Variants in PAX7 observed in about 807,000 individuals in gnomAD.
PAX7 encodes the protein paired box 7.
Under a neutral mutation model 50.7 loss-of-function variants are expected in PAX7, and 18 were observed. The ratio of observed to expected loss-of-function variants is 0.36; its 90% CI spans 0.25 to 0.53. The LOEUF (loss-of-function observed/expected upper bound fraction) is 0.53, where lower values mean the gene tolerates loss of function less well. Ranked by LOEUF, PAX7 falls within the 20% of genes least tolerant of loss-of-function variation. The probability of loss-of-function intolerance (pLI) is 0.93; values close to 1 mark genes in which losing one functional copy is unlikely to be tolerated. For synonymous variants in PAX7, 310 were observed against 290.4 expected (o/e 1.07, Z -0.69); for missense variants, 644 against 702.9 (o/e 0.92, Z 0.95).
chr1:18,702,189 A>AG (rs992164881), intron 6 of PAX7, among the ~76,000 whole-genome samples: 1 of 151,078 alleles, frequency 6.6e-6, no homozygotes, highest in African/African-American at 2.4e-5. Flanking sequence ...AAAAAAAAAA[A>AG]TTATCTGGGC....
At chr1:18,672,771 A>G (rs868421370) in intron 4 of PAX7, among the ~76,000 whole-genome samples, 15 of 151,808 alleles carry the variant, frequency 9.9e-5, no homozygotes, top group African/African-American at 3.6e-4. Context: ...ACGCCCGGCT[A>G]ATTTTTGTAG....
At chr1:18,721,188 A>C (rs781700171) in intron 7 of PAX7, among the ~76,000 whole-genome samples, 2 of 152,096 alleles carry the variant, frequency 1.3e-5, no homozygotes, top group Non-Finnish European at 2.9e-5. Flanking sequence ...CCTGAACCCC[A>C]GATGCCCTGG....
chr1:18,744,659 C>CGGACGGATGGATGGAT (rs1553145033), intron 8 of PAX7, among the ~76,000 whole-genome samples, 155 bp from the exon 9 acceptor site: 2 of 91,004 alleles, frequency 2.2e-5, no homozygotes, highest in African/African-American at 8.7e-5. Context: ...GTAGACAGGA[C>CGGACGGATGGATGGAT]GGATGGATGG....
intron 5 of PAX7, among the ~76,000 whole-genome samples, chr1:18,692,962 C>T (rs779099331): frequency 1.3e-5 from 2 of 152,148 alleles, no homozygotes; most frequent in African/African-American, 2.4e-5. Context: ...GCCAAACTCT[C>T]GGATTCCAGG....
chr1:18,710,890 G>A (rs533020016), intron 7 of PAX7, among the ~76,000 whole-genome samples: 27 of 152,312 alleles, frequency 1.8e-4, no homozygotes, highest in African/African-American at 5.8e-4. Context: ...CACATTTTCC[G>A]AGGTTGGGTT....
intron 8 of PAX7, among the ~76,000 whole-genome samples, chr1:18,737,603 C>A (rs548792431): frequency 2.6e-5 from 4 of 152,196 alleles, no homozygotes; most frequent in Admixed American, 2.0e-4. Context: ...TGCATATGCG[C>A]GAATACATGT....
intron 4 of PAX7, among the ~76,000 whole-genome samples, chr1:18,653,316 A>G (rs2088463175): frequency 6.6e-6 from 1 of 152,090 alleles, no homozygotes; most frequent in Non-Finnish European, 1.5e-5. Context: ...AAATATTGCA[A>G]TCCTGGTTAA....
At chr1:18,679,148 T>C (rs1410027378) in intron 4 of PAX7, among the ~76,000 whole-genome samples, 1 of 152,234 alleles carries the variant, frequency 6.6e-6, no homozygotes, top group Non-Finnish European at 1.5e-5. Flanking sequence ...GGATGCTGCA[T>C]GGGTTCACAG....
Position 18,690,977 on chromosome 1 carries a change from A to G in PAX7, c.587-777A>G, listed in dbSNP as rs180852433. 2.4e-3 allele frequency among the ~76,000 whole-genome samples: 366 copies of G among 152,282 alleles called. 3 individuals are homozygous for G. The South Asian group carries it at 0.03, about 12-fold the overall frequency. On this transcript the variant is annotated intron_variant, in intron 4 of 8. Coordinates refer to ENST00000420770, the MANE Select transcript of PAX7 (RefSeq NM_001135254.2). ...AGCTTCTTGATGGGCAGCTCTGGAC[A>G]CGTGCACTTTTTCTTTTGATGAGAC...
At chr1:18,708,687 C>T (rs936766546) in intron 7 of PAX7, among the ~76,000 whole-genome samples, 2 of 152,064 alleles carry the variant, frequency 1.3e-5, no homozygotes, top group African/African-American at 4.8e-5. Context: ...GAATCCCAAG[C>T]AGGCCAGGCT....
rs545440699 is a variant in PAX7, at chr1:18,687,640, G to T, written c.587-4114G>T. 2.6e-5 allele frequency among the ~76,000 whole-genome samples: 4 copies of T among 152,154 alleles called. No individual in the cohort carries two copies. In the East Asian group the frequency reaches 7.7e-4, roughly 29 times the overall value. ...GGGTAGTGGATGCTCTTTTTTAGGG[G>T]TTGAAGTCACAAACAAACTGCAGTT... On this transcript the variant is annotated intron_variant, in intron 4 of 8. Transcript: ENST00000420770.
intron 7 of PAX7, among the ~76,000 whole-genome samples, chr1:18,703,671 G>A (rs576427378): frequency 7.9e-5 from 12 of 152,346 alleles, no homozygotes; most frequent in Non-Finnish European, 1.8e-4. Context: ...GAGAGATAAT[G>A]TGGGCGCTGA....
At chr1:18,728,599 G>A (rs1039761355) in intron 7 of PAX7, among the ~76,000 whole-genome samples, 3 of 151,628 alleles carry the variant, frequency 2.0e-5, no homozygotes, top group Non-Finnish European at 2.9e-5. Flanking sequence ...CGTGGCTCAC[G>A]CCTGTAGTCC....
chr1:18,668,721 A>G (rs1019419563), intron 4 of PAX7, among the ~76,000 whole-genome samples: 1 of 152,208 alleles, frequency 6.6e-6, no homozygotes, highest in African/African-American at 2.4e-5. Context: ...TAATAATGAC[A>G]TAACAATAAT....
At chr1:18,744,701 G>GATAGATAA (rs1444794109) in intron 8 of PAX7, 113 bp from the exon 9 acceptor site, 30 of 438,164 alleles carry the variant, frequency 6.8e-5, no homozygotes, top group African/African-American at 6.4e-4. Context: ...TGGATGGATG[G>GATAGATAA]ATGGATGGAT....
chr1:18,703,741 T>C (rs993718486), intron 7 of PAX7, among the ~76,000 whole-genome samples: 5 of 152,202 alleles, frequency 3.3e-5, no homozygotes, highest in Non-Finnish European at 7.3e-5. Flanking sequence ...CCCAATGAAC[T>C]TGAGGAACTG....
At chr1:18,742,267 C>T (rs891227737) in intron 8 of PAX7, among the ~76,000 whole-genome samples, 1 of 149,142 alleles carries the variant, frequency 6.7e-6, no homozygotes, top group Non-Finnish European at 1.5e-5. Flanking sequence ...ATGACATTCT[C>T]CTGCCTCAGC....
rs1323564321 is a variant in PAX7, at chr1:18,745,705, G to A, written c.*776G>A. ...TACAAGGACCCAACTCAGGCTTCTG[G>A]AAGCAGAGGGCTCTTATCCTGAAGC... On this transcript the variant is annotated 3_prime_UTR_variant, in exon 9 of 9. Transcript: ENST00000420770. The A allele has an allele frequency of 4.3e-6, 1 of 231,240 alleles. No individual in the cohort carries two copies. Among genetic ancestry groups the A allele is most frequent in the Non-Finnish European group, 8.6e-6 (1 of 116,848 alleles). 14.3% of individuals were successfully genotyped at this position (231,240 alleles called of 1,614,324 possible).
chr1:18,680,702 C>A (rs922199202), intron 4 of PAX7, among the ~76,000 whole-genome samples: 1 of 152,278 alleles, frequency 6.6e-6, no homozygotes, highest in Middle Eastern at 3.4e-3. Context: ...GCGGGCAAGC[C>A]CTTCAGGAGC....
Sources: gnomAD v4.1 joint callset for allele counts (sites outside exome capture counted in the v4.1 genomes callset) on GRCh38, gnomAD v4.1.1 for gene constraint, MANE v1.5 for transcripts, NCBI Gene and HGNC (gene_info 2026-07-23, HGNC 2026-07-21) for gene names.